The following CELF1 variants were observed in gnomAD, a reference collection of about 807,000 sequenced individuals.
CELF1 encodes the protein 50 kDa nuclear polyadenylated RNA-binding protein.
In CELF1, 10 loss-of-function variants were observed where a neutral mutation model predicts 61.8. The ratio of observed to expected loss-of-function variants is 0.16; its 90% confidence interval spans 0.10 to 0.27. CELF1 has a LOEUF of 0.27. Ranked by LOEUF, CELF1 falls within the 10% of genes least tolerant of loss-of-function variation. The pLI, the probability that CELF1 is intolerant of heterozygous loss-of-function variation, is 1.00. For synonymous variants in CELF1, 236 were observed against 225.1 expected (o/e 1.05, Z -0.43); for missense variants, 380 against 639.1 (o/e 0.59, Z 4.37).
Position 47,472,647 on chromosome 11 carries a change from T to C in CELF1, c.1418-290A>G, listed in dbSNP as rs371049118. Among the ~76,000 whole-genome samples the C allele has an allele frequency of 1.4e-4, 21 of 152,232 alleles. No homozygotes were observed. The East Asian group carries it at 1.7e-3, about 13-fold the overall frequency. ...ATGGTTCACTGCAACCTTGGCCTCC[T>C]GGGCTCAGGTGATCCTCTCACCTCA... On this transcript the variant is annotated intron_variant, in intron 14 of 14. Transcript: ENST00000687097.
chr11:47,475,596 T>G (rs746570387), intron 12 of CELF1, 75 bp from the exon 13 acceptor site: 1 of 1,469,810 alleles, frequency 6.8e-7, no homozygotes, highest in East Asian at 2.3e-5. Flanking sequence ...ACTTGGGACA[T>G]CTAGAAGAGG....
At chr11:47,536,841 T>C (rs902032726) in intron 1 of CELF1, among the ~76,000 whole-genome samples, 26 of 152,106 alleles carry the variant, frequency 1.7e-4, no homozygotes, top group Non-Finnish European at 1.0e-4. Context: ...ATAAAAACAA[T>C]GAATATATAA....
chr11:47,497,394 T>G (rs552293756), intron 3 of CELF1, among the ~76,000 whole-genome samples: 6 of 152,180 alleles, frequency 3.9e-5, no homozygotes, highest in African/African-American at 1.4e-4. Context: ...ATCAAGAACA[T>G]TGGCTAACCG....
At chr11:47,554,970 T>C (rs867683600), upstream of CELF1, among the ~76,000 whole-genome samples, 1 of 152,146 alleles carries the variant, frequency 6.6e-6, no homozygotes, top group East Asian at 1.9e-4. Context: ...GGCCTCACAG[T>C]ATATTTTGTA....
chr11:47,550,623 C>T (rs768757065), intron 1 of CELF1, among the ~76,000 whole-genome samples: 1 of 151,660 alleles, frequency 6.6e-6, no homozygotes, highest in Admixed American at 6.6e-5. Context: ...GATAAAGACC[C>T]AATATTTAAC....
rs1194217119 is a variant in CELF1 at position 47,469,878 on chromosome 11, G to A, written c.*2352C>T. The A allele has an allele frequency of 6.6e-6, 1 of 152,308 alleles. No homozygotes were observed. Among genetic ancestry groups the A allele is most frequent in the Non-Finnish European group, 1.5e-5 (1 of 68,112 alleles). 9.4% of individuals were successfully genotyped at this position (152,308 alleles called of 1,614,324 possible). The stretch of plus-strand genomic sequence containing the variant: ...AGGACAAATCCATGGACAAATAATG[G>A]TGAGATGGGGGAAGGCGGAGAGAAG... On this transcript the variant is annotated 3_prime_UTR_variant, in exon 15 of 15. Transcript: ENST00000687097.
chr11:47,516,911 T>C (rs2095586074), intron 1 of CELF1, among the ~76,000 whole-genome samples: 1 of 152,164 alleles, frequency 6.6e-6, no homozygotes, highest in Non-Finnish European at 1.5e-5. Flanking sequence ...CTCACTAGTA[T>C]TTTTCAATGG....
intron 1 of CELF1, among the ~76,000 whole-genome samples, chr11:47,511,140 G>A (rs2095122159): frequency 6.6e-6 from 1 of 152,088 alleles, no homozygotes; most frequent in African/African-American, 2.4e-5. Flanking sequence ...GAGCTGTGAT[G>A]GCACCACTGC....
chr11:47,527,670 T>C (rs1339821284), intron 1 of CELF1, among the ~76,000 whole-genome samples: 2 of 152,224 alleles, frequency 1.3e-5, no homozygotes, highest in African/African-American at 2.4e-5. Context: ...AGCAGTCCTA[T>C]TACAGCAACT....
At chr11:47,510,686 C>A (rs995199598) in intron 1 of CELF1, among the ~76,000 whole-genome samples, 2 of 151,848 alleles carry the variant, frequency 1.3e-5, no homozygotes, top group Admixed American at 6.6e-5. Flanking sequence ...GGGGTTTTGC[C>A]ATGTTGCCCA....
intron 2 of CELF1, among the ~76,000 whole-genome samples, chr11:47,562,020 A>T (rs1276138005): frequency 6.6e-6 from 1 of 152,050 alleles, no homozygotes; most frequent in African/African-American, 2.4e-5. Flanking sequence ...TGAGGTCGGG[A>T]GTTCGAGACC....
intron 3 of CELF1, among the ~76,000 whole-genome samples, chr11:47,491,656 C>T (rs552210004): frequency 8.3e-4 from 126 of 152,280 alleles, no homozygotes; most frequent in South Asian, 5.2e-3. Context: ...ACTAAATTTC[C>T]ACCTTCGTTG....
At chr11:47,561,424 CAGAACG>C (rs2097224933) in intron 2 of CELF1, among the ~76,000 whole-genome samples, 1 of 107,246 alleles carries the variant, frequency 9.3e-6, no homozygotes, top group African/African-American at 3.7e-5. Flanking sequence ...GCCTGGGCGA[CAGAACG>C]AGACTCCGTC....
intron 2 of CELF1, among the ~76,000 whole-genome samples, chr11:47,564,062 A>T (rs2097235706): frequency 6.7e-6 from 1 of 149,128 alleles, no homozygotes. Context: ...CGTGTGGCTC[A>T]TGCCTGTAAT....
chr11:47,507,493 T>C (rs2153582931), intron 1 of CELF1, among the ~76,000 whole-genome samples: 1 of 152,144 alleles, frequency 6.6e-6, no homozygotes, highest in East Asian at 1.9e-4. Context: ...GGGAAGTTAA[T>C]TGATGGTAAA....
chr11:47,490,585 C>A (rs1202636447), intron 3 of CELF1, among the ~76,000 whole-genome samples: 2 of 151,946 alleles, frequency 1.3e-5, no homozygotes, highest in Admixed American at 1.3e-4. Context: ...CACCACCATG[C>A]GTGGTTAATT....
chr11:47,506,437 G>GA (rs112417346), intron 1 of CELF1, among the ~76,000 whole-genome samples: 62 of 145,872 alleles, frequency 4.3e-4, no homozygotes, highest in Non-Finnish European at 5.8e-4. Flanking sequence ...TCAAAAAAAA[G>GA]AAAAAAAAAA....
intron 1 of CELF1, among the ~76,000 whole-genome samples, chr11:47,526,784 T>TC (rs1470448230): frequency 1.1e-4 from 17 of 152,162 alleles, no homozygotes; most frequent in Non-Finnish European, 2.1e-4. Flanking sequence ...CAAAAGGAGT[T>TC]CCAGGCCGGG....
At chr11:47,545,148 G>A (rs1183629611) in intron 1 of CELF1, among the ~76,000 whole-genome samples, 1 of 151,970 alleles carries the variant, frequency 6.6e-6, no homozygotes, top group East Asian at 1.9e-4. Flanking sequence ...CAAAAATTAA[G>A]ACCGGGTGGA....
Sources: gnomAD v4.1 joint callset for allele counts (sites outside exome capture counted in the v4.1 genomes callset) on GRCh38, gnomAD v4.1.1 for gene constraint, MANE v1.5 for transcripts, NCBI Gene and HGNC (gene_info 2026-07-23, HGNC 2026-07-21) for gene names.